CLSTN2: variants seen among roughly 807,000 people sequenced by gnomAD.
CLSTN2 encodes the protein calsyntenin 2.
CLSTN2 carries 48 observed loss-of-function variants against 101.2 expected under a neutral mutation model. That is an observed-to-expected ratio of 0.47 (90% CI 0.38 to 0.60). CLSTN2 has a LOEUF of 0.60. CLSTN2 is among the 20% of genes least tolerant of loss of function. CLSTN2 has a pLI of 0.00. For synonymous variants in CLSTN2, 481 were observed against 463.6 expected, an observed-to-expected ratio of 1.04 and a Z score of -0.48; for missense variants, 1,160 against 1,238.2, an observed-to-expected ratio of 0.94 and a Z score of 0.95.
In CLSTN2 at chr3:140,258,042, G is replaced by T. The variant is rs1284640462; in HGVS notation, c.232+81969G>T. Among the ~76,000 whole-genome samples, 2 of 151,592 alleles carry T rather than the reference G, an allele frequency of 1.3e-5. 1 individual carries two copies. Among genetic ancestry groups the T allele is most frequent in the East Asian group, 3.9e-4 (2 of 5,170 alleles). The stretch of plus-strand genomic sequence containing the variant: ...TATTATGTATTATTTTTTCTATCTT[G>T]GTGGCAAAATTATCTCATTTCTGTT... On this transcript the variant is annotated intron_variant, in intron 2 of 16. Transcript: ENST00000458420.
chr3:139,994,492 C>A (rs9845106), intron 1 of CLSTN2, among the ~76,000 whole-genome samples: 45,517 of 152,090 alleles, frequency 0.3, 8,435 homozygotes, highest in South Asian at 0.42. Context: ...TGGGCCACCA[C>A]GTAAAGTATT....
At chr3:140,065,010 A>G (rs2008274966) in intron 1 of CLSTN2, among the ~76,000 whole-genome samples, 2 of 152,262 alleles carry the variant, frequency 1.3e-5, no homozygotes, top group South Asian at 2.1e-4. Flanking sequence ...ATTCTGAGAA[A>G]GTATGCATTA....
intron 2 of CLSTN2, among the ~76,000 whole-genome samples, chr3:140,301,345 T>A (rs2087056141): frequency 6.6e-6 from 1 of 152,222 alleles, no homozygotes; most frequent in African/African-American, 2.4e-5. Flanking sequence ...CGTGGTAACA[T>A]AAATTACATC....
rs574670530 is a variant in CLSTN2, at chr3:139,935,499, G to T, written c.109+16G>T. 1.5e-4 allele frequency: 176 copies of T among 1,197,724 alleles called. No individual in the cohort carries two copies. The African/African-American group carries it at 2.6e-3, about 18-fold the overall frequency. The allele number at this position is 1,197,724 out of a possible 1,614,324, so 74.2% of individuals were successfully genotyped here. A position where few individuals can be genotyped will look rare whatever the true frequency, so the allele number is the denominator to read the frequency against. On this transcript the variant is annotated intron_variant, in intron 1 of 16. Transcript: ENST00000458420. This position sits in a 1 kb window ranked among gnomAD's most constrained non-coding sequence, Gnocchi z 5.5. ...GCGGCTAAAGGTGGGTGCTGGGGAA[G>T]TTTGCTCTTCTCCCAGGAGGGAGGC...
chr3:140,073,463 G>A (rs940576736), intron 1 of CLSTN2, among the ~76,000 whole-genome samples: 1 of 152,230 alleles, frequency 6.6e-6, no homozygotes, highest in Non-Finnish European at 1.5e-5. Flanking sequence ...GAAGAATGGT[G>A]AGAGCCAAGC....
Position 140,102,235 on chromosome 3 carries a change from G to C in CLSTN2, c.110-73716G>C, listed in dbSNP as rs183928851. 1.1e-4 allele frequency among the ~76,000 whole-genome samples: 16 copies of C among 152,290 alleles called. No individual in the cohort carries two copies. In the East Asian group the frequency reaches 3.1e-3, roughly 29 times the overall value. On this transcript the variant is annotated intron_variant, in intron 1 of 16. Coordinates refer to ENST00000458420, the MANE Select transcript of CLSTN2 (RefSeq NM_022131.3). ...CCTCCTTGGCAGGGGCTGTGTTAGG[G>C]ACATGTTCTCGAAGACGGAGTTGTA...
At chr3:140,126,027 G>A (rs1293682812) in intron 1 of CLSTN2, among the ~76,000 whole-genome samples, 1 of 152,140 alleles carries the variant, frequency 6.6e-6, no homozygotes, top group African/African-American at 2.4e-5. Flanking sequence ...GAGGCGATAG[G>A]AGGTGATGGT....
At chr3:140,034,823 G>A (rs1576404280) in intron 1 of CLSTN2, among the ~76,000 whole-genome samples, 1 of 152,216 alleles carries the variant, frequency 6.6e-6, no homozygotes, top group African/African-American at 2.4e-5. Context: ...CATCCATAAA[G>A]TGGGGCTAGT....
At chr3:140,395,066 T>A (rs1173681238) in intron 2 of CLSTN2, among the ~76,000 whole-genome samples, 2 of 152,068 alleles carry the variant, frequency 1.3e-5, no homozygotes, top group African/African-American at 4.8e-5. Context: ...TGCCAAAGAA[T>A]AAAAAAAGAA....
At chr3:140,067,712 T>G (rs1462039670) in intron 1 of CLSTN2, among the ~76,000 whole-genome samples, 1 of 152,116 alleles carries the variant, frequency 6.6e-6, no homozygotes, top group Non-Finnish European at 1.5e-5. Context: ...CCCCTGTGAG[T>G]GGTCATTTTA....
intron 2 of CLSTN2, among the ~76,000 whole-genome samples, chr3:140,338,372 A>C (rs2087462056): frequency 6.6e-6 from 1 of 152,082 alleles, no homozygotes; most frequent in Admixed American, 6.5e-5. Flanking sequence ...TAAAATCTGA[A>C]TCTATAATAT....
At chr3:140,510,375 T>G (rs1053538962) in intron 8 of CLSTN2, among the ~76,000 whole-genome samples, 6 of 152,216 alleles carry the variant, frequency 3.9e-5, no homozygotes, top group African/African-American at 1.4e-4. Flanking sequence ...TGATTATGTA[T>G]GCAAAAGTCG....
chr3:140,255,423 G>C (rs2107878880), intron 2 of CLSTN2, among the ~76,000 whole-genome samples: 1 of 152,222 alleles, frequency 6.6e-6, no homozygotes, highest in Non-Finnish European at 1.5e-5. Context: ...CAGTGGACTG[G>C]ATAAAGAAAA....
At chr3:140,362,039 A>T (rs1212330693) in intron 2 of CLSTN2, among the ~76,000 whole-genome samples, 1 of 152,168 alleles carries the variant, frequency 6.6e-6, no homozygotes, top group Non-Finnish European at 1.5e-5. Context: ...AACGAAGTCA[A>T]AGACTTAGGC....
intron 2 of CLSTN2, among the ~76,000 whole-genome samples, chr3:140,190,407 A>G (rs937451848): frequency 2.0e-5 from 3 of 150,008 alleles, no homozygotes; most frequent in Non-Finnish European, 4.4e-5. Flanking sequence ...TACCTTACCA[A>G]AAGATTTTAG....
At chr3:140,445,806 G>A (rs1282471438) in intron 5 of CLSTN2, among the ~76,000 whole-genome samples, 6 of 152,160 alleles carry the variant, frequency 3.9e-5, no homozygotes, top group African/African-American at 1.4e-4. Context: ...AAGATAGCCT[G>A]TAGGATTCTG....
chr3:140,362,744 A>T (rs1391645890), intron 2 of CLSTN2, among the ~76,000 whole-genome samples: 2 of 152,222 alleles, frequency 1.3e-5, no homozygotes, highest in Non-Finnish European at 2.9e-5. Context: ...TCATTAGGGA[A>T]ATGCAATTTA....
At chr3:140,565,120 C>T (rs112961846) in intron 16 of CLSTN2, among the ~76,000 whole-genome samples, 13 of 152,354 alleles carry the variant, frequency 8.5e-5, no homozygotes, top group Non-Finnish European at 1.3e-4. Context: ...AACAAGACCA[C>T]TATACCTGGA....
chr3:139,972,979 A>C (rs1935742035), intron 1 of CLSTN2, among the ~76,000 whole-genome samples: 1 of 152,228 alleles, frequency 6.6e-6, no homozygotes, highest in South Asian at 2.1e-4. Flanking sequence ...GTCTACCTTA[A>C]AAAATTAAAA....
Sources: allele counts gnomAD v4.1 joint callset (sites outside exome capture counted in the v4.1 genomes callset), GRCh38; gene constraint gnomAD v4.1.1; non-coding constraint Gnocchi (gnomAD v3.1); transcripts MANE v1.5; gene names NCBI Gene and HGNC (gene_info 2026-07-23, HGNC 2026-07-21).